WAPL: variants seen among roughly 807,000 people sequenced by gnomAD.
The protein encoded by WAPL is wings apart-like protein homolog.
In WAPL, 5 loss-of-function variants were observed where a neutral mutation model predicts 121.0. The ratio of observed to expected loss-of-function variants is 0.04; its 90% CI spans 0.02 to 0.09. The LOEUF is 0.09. Among genes scored for constraint, WAPL ranks in the 10% least tolerant of loss-of-function variants. The pLI is 1.00. For synonymous variants in WAPL, 480 were observed against 481.5 expected, an observed-to-expected ratio of 1.00 and a Z score of 0.04; for missense variants, 999 against 1,410.8, an observed-to-expected ratio of 0.71 and a Z score of 4.68.
chr10:86,480,547 A>G (rs1564575965), intron 4 of WAPL, among the ~76,000 whole-genome samples: 1 of 152,262 alleles, frequency 6.6e-6, no homozygotes, highest in Non-Finnish European at 1.5e-5. Flanking sequence ...TCTCACAACT[A>G]AAAATACCAT....
chr10:86,519,600 G>A (rs781613169), intron 1 of WAPL, among the ~76,000 whole-genome samples: 11 of 152,180 alleles, frequency 7.2e-5, no homozygotes, highest in Non-Finnish European at 1.6e-4. Flanking sequence ...TGAAGGAGAT[G>A]TATTTCATCT....
intron 8 of WAPL, among the ~76,000 whole-genome samples, chr10:86,468,664 T>C (rs2132189390): frequency 6.6e-6 from 1 of 152,264 alleles, no homozygotes; most frequent in South Asian, 2.1e-4. Flanking sequence ...TATTTGGATT[T>C]CTTTAAAATA....
At chr10:86,478,923 C>T (rs1368523672) in intron 4 of WAPL, among the ~76,000 whole-genome samples, 1 of 151,924 alleles carries the variant, frequency 6.6e-6, no homozygotes, top group Non-Finnish European at 1.5e-5. Flanking sequence ...AGTGAAACCC[C>T]ATCTCTACTA....
rs1849612213 is a variant in WAPL, at chr10:86,446,148, G to C, written c.3322+94C>G. The C allele has an allele frequency of 2.8e-6, 4 of 1,411,486 alleles. No individual in the cohort carries two copies. In the South Asian group the frequency reaches 3.8e-5, roughly 13 times the overall value. 87.4% of individuals were successfully genotyped at this position (1,411,486 alleles called of 1,614,324 possible). On this transcript the variant is annotated intron_variant, in intron 16 of 18. Transcript: ENST00000298767. ...TAGAGAGGTCCTCAAGCAATAGCCA[G>C]ATTAAGACAATCTGCAAATTAAAAT... is the stretch of plus-strand genomic sequence containing the variant.
Position 86,500,069 on chromosome 10 carries a change from A to T in WAPL, c.1174T>A (p.Leu392Met), listed in dbSNP as rs899458975. The T allele has an allele frequency of 6.2e-7, 1 of 1,614,074 alleles. No individual in the cohort carries two copies. The highest frequency in any genetic ancestry group is 8.5e-7 in the Non-Finnish European group (1 of 1,180,052). The stretch of plus-strand genomic sequence containing the variant: ...TTTCTGAGACGACCAGCTTCTCCCA[A>T]ATCTGCAGGAGTGGATGCAGTGAAC... The part of the protein sequence containing the change: ...DEFTASTPAD[L>M]GEAGRLRKKA... The change falls in exon 3 of 19, where the codon TTG becomes ATG. Residue 392 changes from leucine (L) to methionine (M), a missense_variant. By Grantham distance (15) the Leu-to-Met change is conservative. Coordinates refer to ENST00000298767, the MANE Select transcript of WAPL (RefSeq NM_015045.5).
chr10:86,518,611 A>G (rs2140669), intron 1 of WAPL, among the ~76,000 whole-genome samples: 146,381 of 152,218 alleles, frequency 0.96, 70,527 homozygotes, highest in East Asian at 1. Flanking sequence ...GAGAAGCTGG[A>G]GCAGAAGAAC....
At chr10:86,439,190 C>T (rs1849401482) in intron 17 of WAPL, among the ~76,000 whole-genome samples, 1 of 152,122 alleles carries the variant, frequency 6.6e-6, no homozygotes, top group Admixed American at 6.5e-5. Flanking sequence ...TTCCTATTCC[C>T]ATGCCAGGGT....
chr10:86,445,122 C>T (rs1205638456), intron 16 of WAPL, among the ~76,000 whole-genome samples: 1 of 152,058 alleles, frequency 6.6e-6, no homozygotes, highest in East Asian at 1.9e-4. Context: ...GATGCCAGCA[C>T]CCTCCAATAC....
intron 4 of WAPL, among the ~76,000 whole-genome samples, chr10:86,483,320 T>C (rs1841837411): frequency 1.3e-5 from 2 of 151,990 alleles, no homozygotes; most frequent in South Asian, 4.1e-4. Flanking sequence ...CTCTGGAGGC[T>C]GAGGCAGGAG....
chr10:86,508,066 C>G (rs1266215285), intron 2 of WAPL, among the ~76,000 whole-genome samples: 1 of 152,142 alleles, frequency 6.6e-6, no homozygotes, highest in Non-Finnish European at 1.5e-5. Flanking sequence ...AAAAAACATA[C>G]ACACTAGGTA....
At chr10:86,453,037 A>G (rs1589497791) in intron 14 of WAPL, among the ~76,000 whole-genome samples, 183 bp downstream of exon 14, 4 of 3,356 alleles carry the variant, frequency 1.2e-3, no homozygotes, top group African/African-American at 3.3e-3. Context: ...AAAAAAAAAA[A>G]AAAAAAAAAA....
chr10:86,478,585 C>A (rs564484451), intron 4 of WAPL, among the ~76,000 whole-genome samples: 26 of 152,122 alleles, frequency 1.7e-4, no homozygotes, highest in African/African-American at 5.5e-4. Context: ...ATATATTATT[C>A]TTTTGTATTC....
intron 15 of WAPL, among the ~76,000 whole-genome samples, chr10:86,447,537 G>C (rs1442626707): frequency 2.0e-5 from 3 of 152,044 alleles, no homozygotes; most frequent in African/African-American, 7.2e-5. Context: ...AAAACATCCA[G>C]GAACCTGTTA....
intron 9 of WAPL, among the ~76,000 whole-genome samples, chr10:86,464,765 G>A (rs1282808097): frequency 6.6e-6 from 1 of 151,830 alleles, no homozygotes; most frequent in African/African-American, 2.4e-5. Context: ...GAACCTGGGA[G>A]GTAGAGGCTG....
intron 4 of WAPL, chr10:86,488,326 A>C (rs1215060998): frequency 6.6e-6 from 1 of 152,210 alleles, no homozygotes; most frequent in East Asian, 1.9e-4. Flanking sequence ...CCTAGTGAAC[A>C]AGTATTTATT....
At chr10:86,519,506 A>G (rs1466747163) in intron 1 of WAPL, among the ~76,000 whole-genome samples, 1 of 150,908 alleles carries the variant, frequency 6.6e-6, no homozygotes, top group African/African-American at 2.5e-5. Flanking sequence ...ACCCCCCCCC[A>G]TGTTTGGTGA....
intron 2 of WAPL, among the ~76,000 whole-genome samples, chr10:86,501,326 A>G (rs906495815): frequency 6.6e-6 from 1 of 152,210 alleles, no homozygotes; most frequent in Non-Finnish European, 1.5e-5. Flanking sequence ...TTAAATGGCT[A>G]ATAGTGGCTA....
intron 15 of WAPL, among the ~76,000 whole-genome samples, chr10:86,449,468 G>A (rs575088874): frequency 6.6e-6 from 1 of 152,348 alleles, no homozygotes; most frequent in South Asian, 2.1e-4. Flanking sequence ...AAGAAAGACA[G>A]AGAAGATATA....
At chr10:86,491,285 G>A (rs1272950343) in intron 4 of WAPL, among the ~76,000 whole-genome samples, 3 of 150,960 alleles carry the variant, frequency 2.0e-5, no homozygotes, top group South Asian at 2.1e-4. Flanking sequence ...GACCACAGGC[G>A]CCCGCCACCA....
Sources: gnomAD v4.1 joint callset for allele counts (sites outside exome capture counted in the v4.1 genomes callset) on GRCh38, gnomAD v4.1.1 for gene constraint, MANE v1.5 for transcripts, NCBI Gene and HGNC (gene_info 2026-07-23, HGNC 2026-07-21) for gene names.